Variants in DPYSL2 observed in about 807,000 individuals in gnomAD.
DPYSL2 encodes the protein dihydropyrimidinase-related protein 2.
DPYSL2 carries 13 observed loss-of-function variants against 69.9 expected under a neutral mutation model. The observed-to-expected ratio is 0.19, with a 90% CI of 0.12 to 0.30. The LOEUF (loss-of-function observed/expected upper bound fraction) is 0.30. Among genes scored for constraint, DPYSL2 ranks in the 10% least tolerant of loss-of-function variants. The pLI is 1.00. For missense variants in DPYSL2, 587 were observed against 918.9 expected (o/e 0.64, Z 4.67); for synonymous variants, 326 against 359.1 (o/e 0.91, Z 1.04).
chr8:26,548,111 A>C (rs1309406144), intron 1 of DPYSL2: 4 of 220,420 alleles, frequency 1.8e-5, no homozygotes, highest in Non-Finnish European at 3.8e-5. Flanking sequence ...TTGGGATATC[A>C]CTCCGGGAGA....
Position 26,655,782 on chromosome 8 carries a change from C to A in DPYSL2, c.*76C>A, listed in dbSNP as rs201370842. 2.5e-6 allele frequency: 3 copies of A among 1,183,090 alleles called. No homozygotes were observed. The highest frequency in any genetic ancestry group is 1.9e-5 in the South Asian group (1 of 52,566). 73.3% of individuals were successfully genotyped at this position (1,183,090 alleles called of 1,614,324 possible). A position where few individuals can be genotyped will look rare whatever the true frequency, so the allele number is the denominator to read the frequency against. ...ACATTCTGAGACTTCTTTCTTCCTT[C>A]CTTTTTTTTTTTTTGTTTTTTTTTT... On this transcript the variant is annotated 3_prime_UTR_variant, in exon 14 of 14. Transcript: ENST00000521913.
chr8:26,540,164 G>C (rs941675046), intron 1 of DPYSL2, among the ~76,000 whole-genome samples: 4 of 152,048 alleles, frequency 2.6e-5, no homozygotes, highest in African/African-American at 9.7e-5. Context: ...GTTCAACAAA[G>C]AGATAAAATA....
chr8:26,556,203 A>G (rs1364678324), intron 1 of DPYSL2, among the ~76,000 whole-genome samples: 3 of 15,852 alleles, frequency 1.9e-4, no homozygotes, highest in Non-Finnish European at 3.7e-4. Context: ...TATATATACT[A>G]TATATATACT....
At chr8:26,611,998 C>T (rs887687133) in intron 3 of DPYSL2, among the ~76,000 whole-genome samples, 4 of 152,182 alleles carry the variant, frequency 2.6e-5, no homozygotes, top group Non-Finnish European at 4.4e-5. Context: ...GGGCACCAGA[C>T]CTAAGATGGT....
intron 8 of DPYSL2, among the ~76,000 whole-genome samples, chr8:26,638,655 C>A (rs1009056247): frequency 6.6e-6 from 1 of 152,174 alleles, no homozygotes. Context: ...GCAGCTGAGG[C>A]AATGAACACA....
chr8:26,656,525 T>TC lies in DPYSL2; in HGVS notation c.*820dup, dbSNP rs372144479. 9.2e-5 allele frequency: 14 copies of TC among 151,806 alleles called. No individual in the cohort carries two copies. The highest frequency in any genetic ancestry group is 2.9e-4 in the African/African-American group (12 of 41,290). The allele number at this position is 151,806 out of a possible 1,614,324, so 9.4% of individuals were successfully genotyped here. ...ATTCATGAATATTTTCGTGTCTGTCTCTCTCTCTCTCTGTGTTTCCTCCAG... is the reference window on the plus strand; with the variant it reads ...ATTCATGAATATTTTCGTGTCTGTCTCCTCTCTCTCTCTGTGTTTCCTCCAG... On this transcript the variant is annotated 3_prime_UTR_variant, in exon 14 of 14. Transcript: ENST00000521913.
intron 1 of DPYSL2, among the ~76,000 whole-genome samples, chr8:26,561,593 T>TA (rs1801072093): frequency 6.6e-6 from 1 of 151,820 alleles, no homozygotes; most frequent in African/African-American, 2.4e-5. Flanking sequence ...TGGTCTTTCT[T>TA]ACATCCATTA....
At chr8:26,546,756 A>G (rs952123978) in intron 1 of DPYSL2, among the ~76,000 whole-genome samples, 1 of 150,896 alleles carries the variant, frequency 6.6e-6, no homozygotes, top group South Asian at 2.1e-4. Flanking sequence ...CGTCTCTACT[A>G]AAAATTCAAA....
intron 1 of DPYSL2, chr8:26,577,710 G>A: frequency 6.7e-6 from 5 of 747,740 alleles, no homozygotes; most frequent in Non-Finnish European, 8.1e-6. Flanking sequence ...CCCGAAGAAA[G>A]CGCGCGAAAG....
At chr8:26,578,183 A>T in intron 1 of DPYSL2, 3 of 1,607,788 alleles carry the variant, frequency 1.9e-6, no homozygotes, top group Non-Finnish European at 2.5e-6. Context: ...AACAAAAAAA[A>T]CCCAAGTCCC....
At chr8:26,561,943 AC>A (rs1177644992) in intron 1 of DPYSL2, among the ~76,000 whole-genome samples, 1 of 151,772 alleles carries the variant, frequency 6.6e-6, no homozygotes, top group Non-Finnish European at 1.5e-5. Context: ...GGGGTTGGGG[AC>A]CCCTGCGTTA....
At chr8:26,567,484 A>C (rs59149853) in intron 1 of DPYSL2, among the ~76,000 whole-genome samples, 15,540 of 152,234 alleles carry the variant, frequency 0.1, 873 homozygotes, top group Non-Finnish European at 0.12. Context: ...ACGGTGGGTG[A>C]TGAGGAGAGA....
In DPYSL2 at chr8:26,561,038, G is replaced by A. The variant is rs1005742680; in HGVS notation, c.355-20931G>A. Among the ~76,000 whole-genome samples the A allele has an allele frequency of 1.1e-4, 17 of 152,166 alleles. 1 individual carries two copies. The highest frequency in any genetic ancestry group is 1.0e-3 in the South Asian group (5 of 4,820). On this transcript the variant is annotated intron_variant, in intron 1 of 13. Transcript: ENST00000521913. ...TCCATTATCTCACCCTCTACCTGCC[G>A]TCAGCAGCCTTGAAAGAAGCAGGGG...
intron 3 of DPYSL2, among the ~76,000 whole-genome samples, chr8:26,594,711 C>G (rs1455254544): frequency 2.0e-5 from 3 of 152,162 alleles, no homozygotes; most frequent in Non-Finnish European, 2.9e-5. Context: ...GACCATTCAT[C>G]TGTTCATCTT....
At chr8:26,515,272 A>T (rs2117592439) in intron 1 of DPYSL2, among the ~76,000 whole-genome samples, 1 of 152,250 alleles carries the variant, frequency 6.6e-6, no homozygotes, top group South Asian at 2.1e-4. Context: ...GCAGCGTGAG[A>T]AGAGCCAGGA....
rs1233216943 is a variant in DPYSL2, at chr8:26,641,756, C to G, written c.1127-1683C>G. Reference sequence around the variant, plus strand: ...GGTTTCCCTGGGTTTGGAGTCCTCCCTCCTGCTGGGGGTGGGGGCGTGGTT... The same window carrying G: ...GGTTTCCCTGGGTTTGGAGTCCTCCGTCCTGCTGGGGGTGGGGGCGTGGTT... On this transcript the variant is annotated intron_variant, in intron 8 of 13. Coordinates refer to ENST00000521913, the MANE Select transcript of DPYSL2 (RefSeq NM_001197293.3). The surrounding 1 kb of genome is among the most constrained non-coding windows in gnomAD (Gnocchi z 4.1). Among the ~76,000 whole-genome samples the G allele has an allele frequency of 6.6e-6, 1 of 152,176 alleles. No homozygotes were observed. Among genetic ancestry groups the G allele is most frequent in the African/African-American group, 2.4e-5 (1 of 41,452 alleles).
At chr8:26,557,795 C>T (rs1033555649) in intron 1 of DPYSL2, among the ~76,000 whole-genome samples, 7 of 151,624 alleles carry the variant, frequency 4.6e-5, no homozygotes, top group African/African-American at 1.7e-4. Flanking sequence ...CTAAAACAAA[C>T]AAACAAACAA....
At chr8:26,577,032 G>A in intron 1 of DPYSL2, 1 of 359,622 alleles carries the variant, frequency 2.8e-6, no homozygotes. Flanking sequence ...CCATTCCTCC[G>A]CCCTACTAAG....
In DPYSL2 at chr8:26,655,268, A is replaced by G. The variant is rs577541941; in HGVS notation, c.1943-347A>G. 8.5e-5 allele frequency among the ~76,000 whole-genome samples: 13 copies of G among 152,176 alleles called. No individual in the cohort carries two copies. The South Asian group carries it at 2.5e-3, about 29-fold the overall frequency. On this transcript the variant is annotated intron_variant, in intron 13 of 13. Transcript: ENST00000521913. Reference sequence around the variant, plus strand: ...TCCCAGCACTTTGGGAGGCAGAGGTAGGAGGATTGCTTGAGCCCAGGAGTT... The same window carrying G: ...TCCCAGCACTTTGGGAGGCAGAGGTGGGAGGATTGCTTGAGCCCAGGAGTT...
Sources: gnomAD v4.1 joint callset for allele counts (sites outside exome capture counted in the v4.1 genomes callset) on GRCh38, gnomAD v4.1.1 for gene constraint, Gnocchi (gnomAD v3.1) non-coding constraint, MANE v1.5 for transcripts, NCBI Gene and HGNC (gene_info 2026-07-23, HGNC 2026-07-21) for gene names.